SNX7: variants seen among roughly 807,000 people sequenced by gnomAD.
SNX7 encodes sorting nexin-7.
SNX7 carries 35 observed loss-of-function variants against 48.4 expected under a neutral mutation model. That is an observed-to-expected ratio of 0.72 (90% CI 0.55 to 0.96). SNX7 has a LOEUF of 0.96. SNX7 is among the 40% of genes least tolerant of loss of function. SNX7 has a pLI of 0.00. For synonymous variants in SNX7, 190 were observed against 190.2 expected (o/e 1.00, Z 0.01); for missense variants, 553 against 548.9 (o/e 1.01, Z -0.07).
intron 1 of SNX7, chr1:98,662,228 C>A: frequency 4.7e-6 from 1 of 211,518 alleles, no homozygotes; most frequent in East Asian, 9.9e-5. Flanking sequence ...CAGACATCTT[C>A]CTCGCGGCAG....
At chr1:98,710,878 C>T (rs556575764) in intron 7 of SNX7, among the ~76,000 whole-genome samples, 7 of 152,094 alleles carry the variant, frequency 4.6e-5, no homozygotes, top group East Asian at 3.9e-4. Flanking sequence ...GCAGAAATTA[C>T]GCTTAAAGAA....
chr1:98,675,821 C>T (rs948691523), intron 1 of SNX7, among the ~76,000 whole-genome samples: 1 of 151,990 alleles, frequency 6.6e-6, no homozygotes, highest in African/African-American at 2.4e-5. Flanking sequence ...GTGTTAGCAT[C>T]CCATAACTTA....
At chr1:98,662,505 C>T in intron 1 of SNX7, 2 of 377,682 alleles carry the variant, frequency 5.3e-6, no homozygotes, top group Non-Finnish European at 9.5e-6. Context: ...TCAGCTACTG[C>T]CACCCAACCC....
intron 7 of SNX7, among the ~76,000 whole-genome samples, chr1:98,733,979 A>T (rs1482623816): frequency 6.6e-6 from 1 of 152,082 alleles, no homozygotes; most frequent in African/African-American, 2.4e-5. Context: ...TTCATGCTCA[A>T]TATCATTTCC....
chr1:98,668,411 A>G (rs779552872), intron 1 of SNX7, among the ~76,000 whole-genome samples: 53 of 152,354 alleles, frequency 3.5e-4, no homozygotes, highest in Non-Finnish European at 6.5e-4. Context: ...AAAAAATGGC[A>G]GAGGAATAAG....
chr1:98,752,252 T>TA (rs1418329828), intron 8 of SNX7, among the ~76,000 whole-genome samples: 7 of 152,074 alleles, frequency 4.6e-5, no homozygotes, highest in Non-Finnish European at 8.8e-5. Flanking sequence ...GAGTTTTTCC[T>TA]TAGGTTTCGT....
intron 5 of SNX7, among the ~76,000 whole-genome samples, chr1:98,696,137 TA>T (rs1651445001): frequency 6.6e-6 from 1 of 152,132 alleles, no homozygotes; most frequent in Admixed American, 6.5e-5. Context: ...GAGATTTACG[TA>T]TTGGAAAATC....
chr1:98,692,623 C>G (rs2100957122), intron 4 of SNX7, among the ~76,000 whole-genome samples: 1 of 152,228 alleles, frequency 6.6e-6, no homozygotes, highest in African/African-American at 2.4e-5. Flanking sequence ...ATGAACTACT[C>G]ACATGGAGAT....
At chr1:98,734,963 A>T (rs1012299988) in intron 7 of SNX7, among the ~76,000 whole-genome samples, 3 of 152,158 alleles carry the variant, frequency 2.0e-5, no homozygotes, top group Non-Finnish European at 2.9e-5. Flanking sequence ...TATCTAGCCC[A>T]GTCTTTTCCA....
At chr1:98,673,020 T>G (rs1037066874) in intron 1 of SNX7, among the ~76,000 whole-genome samples, 2 of 151,550 alleles carry the variant, frequency 1.3e-5, no homozygotes, top group African/African-American at 2.4e-5. Context: ...TCCAATTGGC[T>G]AATGCTCATG....
chr1:98,685,775 CTA>C (rs1413658083), intron 2 of SNX7, among the ~76,000 whole-genome samples: 2 of 152,084 alleles, frequency 1.3e-5, no homozygotes, highest in African/African-American at 2.4e-5. Context: ...AAGTTCTGAA[CTA>C]TGTTTCTATA....
intron 7 of SNX7, among the ~76,000 whole-genome samples, chr1:98,718,784 G>C (rs2101002711): frequency 6.6e-6 from 1 of 152,094 alleles, no homozygotes; most frequent in East Asian, 1.9e-4. Flanking sequence ...TATACATTCT[G>C]ACTTTTTAAT....
At chr1:98,716,570 G>T (rs1183800157) in intron 7 of SNX7, among the ~76,000 whole-genome samples, 1 of 152,082 alleles carries the variant, frequency 6.6e-6, no homozygotes, top group Non-Finnish European at 1.5e-5. Flanking sequence ...CCATGAGTAG[G>T]GGGTGATGAT....
intron 8 of SNX7, among the ~76,000 whole-genome samples, chr1:98,744,119 A>G (rs1211980707): frequency 6.6e-6 from 1 of 152,058 alleles, no homozygotes; most frequent in Admixed American, 6.6e-5. Context: ...CAGTTCCATC[A>G]GGAGACAGTA....
chr1:98,701,929 A>G (rs1306762840), intron 7 of SNX7, 26 bp downstream of exon 7: 1 of 1,488,072 alleles, frequency 6.7e-7, no homozygotes, highest in Admixed American at 1.8e-5. Flanking sequence ...TCTTGATACA[A>G]TCATATAGAA....
At chr1:98,689,938 C>A (rs1296027582) in intron 2 of SNX7, among the ~76,000 whole-genome samples, 1 of 152,076 alleles carries the variant, frequency 6.6e-6, no homozygotes, top group African/African-American at 2.4e-5. Context: ...TTCATTCGCT[C>A]CCACTTTTTC....
In SNX7 at chr1:98,691,081, C is replaced by T. The variant is rs750514598; in HGVS notation, c.370C>T (p.Arg124Cys). 17 of 1,601,704 alleles carry T rather than the reference C, an allele frequency of 1.1e-5. No homozygotes were observed. Among genetic ancestry groups the T allele is most frequent in the African/African-American group, 5.4e-5 (4 of 74,334 alleles). ...ITYRIITKTS[R>C]GEFDSSEFEV... Reference sequence around the variant, plus strand: ...TTTCTCTTACTTTCTTCAGACATCTCGTGGGGAATTTGACTCCAGTGAATT... The same window carrying T: ...TTTCTCTTACTTTCTTCAGACATCTTGTGGGGAATTTGACTCCAGTGAATT... Residue 124 changes from arginine (R) to cysteine (C), a missense_variant, in exon 3 of 9, where the codon CGT becomes TGT. Arg to Cys is a radical substitution (Grantham distance 180). Coordinates refer to ENST00000306121, the MANE Select transcript of SNX7 (RefSeq NM_015976.5).
chr1:98,667,189 A>G (rs1268945294), intron 1 of SNX7, among the ~76,000 whole-genome samples: 2 of 152,252 alleles, frequency 1.3e-5, no homozygotes, highest in Non-Finnish European at 2.9e-5. Context: ...AGTAGTAACT[A>G]TAACAATAGC....
At chr1:98,680,729 C>T (rs2100931695) in intron 1 of SNX7, among the ~76,000 whole-genome samples, 1 of 152,274 alleles carries the variant, frequency 6.6e-6, no homozygotes, top group African/African-American at 2.4e-5. Flanking sequence ...GCAAGAGTCA[C>T]CTTTGCTCCA....
Sources: allele counts gnomAD v4.1 joint callset (sites outside exome capture counted in the v4.1 genomes callset), GRCh38; gene constraint gnomAD v4.1.1; transcripts MANE v1.5; gene names NCBI Gene and HGNC (gene_info 2026-07-23, HGNC 2026-07-21).